CDH2: variants seen among roughly 807,000 people sequenced by gnomAD.
CDH2 encodes cadherin-2.
Under a neutral mutation model 92.0 loss-of-function variants are expected in CDH2, and 17 were observed. That is an observed-to-expected ratio of 0.18 (90% CI 0.13 to 0.28). CDH2 has a LOEUF of 0.28. Among genes scored for constraint, CDH2 ranks in the 10% least tolerant of loss-of-function variants. CDH2 has a pLI of 1.00. For missense variants in CDH2, 862 were observed against 1,133.1 expected (o/e 0.76, Z 3.44); for synonymous variants, 419 against 415.9 (o/e 1.01, Z -0.09).
intron 2 of CDH2, among the ~76,000 whole-genome samples, chr18:28,039,489 T>C (rs2013906708): frequency 6.6e-6 from 1 of 152,192 alleles, no homozygotes; most frequent in South Asian, 2.1e-4. Context: ...ATTTTATAAA[T>C]GAATTAATTA....
chr18:28,007,166 ATATATATAT>A lies in CDH2; in HGVS notation c.703-1182_703-1174del, dbSNP rs1267984172. The stretch of plus-strand genomic sequence containing the variant: ...CAGAGTGAGACTCCATAAAAAAAAA[ATATATATAT>A]ATATATATATATATATATACGAGTA... On this transcript the variant is annotated intron_variant, in intron 5 of 15. Transcript: ENST00000269141. Among the ~76,000 whole-genome samples, 42 of 80,760 alleles carry A rather than the reference ATATATATAT, an allele frequency of 5.2e-4. 3 individuals are homozygous for A. Among genetic ancestry groups the A allele is most frequent in the African/African-American group, 1.7e-3 (41 of 24,262 alleles). The allele number at this position is 80,760 out of a possible 152,430, so 53.0% of individuals were successfully genotyped here. A position where few individuals can be genotyped will look rare whatever the true frequency, so the allele number is the denominator to read the frequency against.
chr18:28,041,687 G>A (rs1288216271), intron 2 of CDH2, among the ~76,000 whole-genome samples: 11 of 152,164 alleles, frequency 7.2e-5, no homozygotes, highest in Non-Finnish European at 1.6e-4. Flanking sequence ...AGTGCAGGCA[G>A]TATGGGCCTG....
intron 5 of CDH2, 78 bp downstream of exon 5, chr18:28,009,639 G>C: frequency 7.7e-7 from 1 of 1,307,132 alleles, no homozygotes; most frequent in East Asian, 2.4e-5. Context: ...CTTTCAGACT[G>C]ATATAAGAGG....
At chr18:28,137,697 C>G (rs1444692639) in intron 2 of CDH2, among the ~76,000 whole-genome samples, 1 of 151,998 alleles carries the variant, frequency 6.6e-6, no homozygotes, top group Non-Finnish European at 1.5e-5. Context: ...ATATAAAAGT[C>G]CTCAAGATGA....
Position 27,952,089 on chromosome 18 carries a change from T to C in CDH2, c.*64A>G. The C allele has an allele frequency of 7.2e-7, 1 of 1,382,122 alleles. No homozygotes were observed. Among genetic ancestry groups the C allele is most frequent in the Admixed American group, 1.7e-5 (1 of 59,558 alleles). 85.6% of individuals were successfully genotyped at this position (1,382,122 alleles called of 1,614,324 possible). ...ACAAAGTTAAAGCCTAGCTTCTGAATGCTTTTTGGGAATATCAGTTGAAAT... is the reference window on the plus strand; with the variant it reads ...ACAAAGTTAAAGCCTAGCTTCTGAACGCTTTTTGGGAATATCAGTTGAAAT... On this transcript the variant is annotated 3_prime_UTR_variant, in exon 16 of 16. Coordinates refer to ENST00000269141, the MANE Select transcript of CDH2 (RefSeq NM_001792.5).
intron 7 of CDH2, among the ~76,000 whole-genome samples, chr18:27,998,914 G>A (rs1191421308): frequency 6.6e-6 from 1 of 152,098 alleles, no homozygotes; most frequent in African/African-American, 2.4e-5. Context: ...TGGAACTCAG[G>A]TAAAGTATAG....
chr18:28,058,246 GCCTTTCATAAT>G (rs2014333956), intron 2 of CDH2, among the ~76,000 whole-genome samples: 1 of 152,134 alleles, frequency 6.6e-6, no homozygotes, highest in South Asian at 2.1e-4. Context: ...GCTAAAACAA[GCCTTTCATAAT>G]CCATTGATGA....
rs35744873 is a variant in CDH2 at position 28,094,792 on chromosome 18, T to TAAAAAA, written c.172+52875_172+52880dup. On this transcript the variant is annotated intron_variant, in intron 2 of 15. Coordinates refer to ENST00000269141, the MANE Select transcript of CDH2 (RefSeq NM_001792.5). ...CTGGGCGACAGAGTGAGACTCTGTC[T>TAAAAAA]AAAAAAAAAAAAAAAAAAAAAAATT... Among the ~76,000 whole-genome samples the TAAAAAA allele has an allele frequency of 5.7e-4, 47 of 82,370 alleles. 1 individual carries two copies. The highest frequency in any genetic ancestry group is 7.0e-3 in the Middle Eastern group (1 of 142). The allele number at this position is 82,370 out of a possible 152,430, so 54.0% of individuals were successfully genotyped here.
At chr18:28,152,380 T>C (rs934858303) in intron 1 of CDH2, among the ~76,000 whole-genome samples, 1 of 152,188 alleles carries the variant, frequency 6.6e-6, no homozygotes, top group African/African-American at 2.4e-5. Flanking sequence ...ATACAGCCCC[T>C]GCCCTTAAGG....
intron 2 of CDH2, among the ~76,000 whole-genome samples, chr18:28,034,318 C>T (rs573738881): frequency 6.6e-6 from 1 of 152,218 alleles, no homozygotes; most frequent in African/African-American, 2.4e-5. Context: ...GAAAGCTCTG[C>T]TCAAGTTCTG....
chr18:28,177,043 C>T lies in CDH2; in HGVS notation c.-21G>A. On this transcript the variant is annotated 5_prime_UTR_variant, in exon 1 of 16. Transcript: ENST00000269141. ...CACATGGAGGCGGAGAGGGGCCGAG[C>T]GAAGAGCCGGAGGAGGCGGCGGCGG... 6.8e-7 allele frequency: 1 copy of T among 1,472,584 alleles called. No individual in the cohort carries two copies. Among genetic ancestry groups the T allele is most frequent in the East Asian group, 2.8e-5 (1 of 36,100 alleles). The allele number at this position is 1,472,584 out of a possible 1,614,324, so 91.2% of individuals were successfully genotyped here.
chr18:28,028,779 A>G (rs1011940351), intron 2 of CDH2, among the ~76,000 whole-genome samples: 14 of 152,152 alleles, frequency 9.2e-5, no homozygotes, highest in African/African-American at 2.9e-4. Flanking sequence ...TTATTTCTAA[A>G]GGCTACTTAC....
chr18:28,174,616 A>C (rs1178928266), intron 1 of CDH2, among the ~76,000 whole-genome samples: 1 of 152,256 alleles, frequency 6.6e-6, no homozygotes, highest in East Asian at 1.9e-4. Flanking sequence ...AAAGCACATT[A>C]TTTAATGCTT....
chr18:27,949,803 GTTT>G (rs1319622227), downstream of CDH2, among the ~76,000 whole-genome samples: 1 of 151,552 alleles, frequency 6.6e-6, no homozygotes, highest in Non-Finnish European at 1.5e-5. Context: ...GAAAATAGTT[GTTT>G]ATTATGCCTA....
intron 2 of CDH2, among the ~76,000 whole-genome samples, chr18:28,118,314 A>C (rs2015529641): frequency 1.3e-5 from 2 of 152,142 alleles, no homozygotes; most frequent in South Asian, 4.1e-4. Flanking sequence ...CCACAAATGC[A>C]CTGCTGCACA....
intron 2 of CDH2, among the ~76,000 whole-genome samples, chr18:28,049,018 T>G (rs11564317): frequency 0.052 from 7,866 of 152,232 alleles, 698 homozygotes; most frequent in African/African-American, 0.18. Flanking sequence ...CTTTAGGCTC[T>G]ATTTCATTCC....
intron 2 of CDH2, 77 bp from the exon 3 acceptor site, chr18:28,013,986 A>T: frequency 1.1e-6 from 1 of 939,334 alleles, no homozygotes; most frequent in East Asian, 2.6e-5. Flanking sequence ...ACTTAAACCT[A>T]TATCCTGCTT....
chr18:28,138,651 T>C (rs58716005), intron 2 of CDH2, among the ~76,000 whole-genome samples: 1 of 151,878 alleles, frequency 6.6e-6, no homozygotes, highest in Non-Finnish European at 1.5e-5. Context: ...AAGTTCCTAC[T>C]ACAGGGATTT....
intron 2 of CDH2, among the ~76,000 whole-genome samples, chr18:28,143,570 A>C (rs568112425): frequency 1.1e-4 from 16 of 152,070 alleles, no homozygotes; most frequent in Admixed American, 5.2e-4. Flanking sequence ...ATTCGCAAAC[A>C]TATCTAGTTA....
Sources: gnomAD v4.1 joint callset for allele counts (sites outside exome capture counted in the v4.1 genomes callset) on GRCh38, gnomAD v4.1.1 for gene constraint, MANE v1.5 for transcripts, NCBI Gene and HGNC (gene_info 2026-07-23, HGNC 2026-07-21) for gene names.